MORC1: variants seen among roughly 807,000 people sequenced by gnomAD.
The protein encoded by MORC1 is MORC family CW-type zinc finger 1.
Under a neutral mutation model 134.9 loss-of-function variants are expected in MORC1, and 59 were observed. That is an observed-to-expected ratio of 0.44 (90% CI 0.35 to 0.54). The LOEUF (loss-of-function observed/expected upper bound fraction) is 0.54, where lower values mean the gene tolerates loss of function less well. Ranked by LOEUF, MORC1 falls within the 20% of genes least tolerant of loss-of-function variation. The pLI is 0.00. For missense variants in MORC1, 947 were observed against 1,134.5 expected (o/e 0.83, Z 2.37); for synonymous variants, 395 against 391.7 (o/e 1.01, Z -0.10).
At chr3:109,074,567 A>C (rs187991085) in intron 8 of MORC1, among the ~76,000 whole-genome samples, 2 of 152,294 alleles carry the variant, frequency 1.3e-5, no homozygotes, top group Admixed American at 6.5e-5. Flanking sequence ...TCCCTCTCTC[A>C]CCCTAATGAA....
intron 21 of MORC1, among the ~76,000 whole-genome samples, chr3:108,996,476 A>G (rs1948231839): frequency 6.6e-6 from 1 of 152,168 alleles, no homozygotes; most frequent in Non-Finnish European, 1.5e-5. Context: ...CGAAGGTCCA[A>G]CTGAGAGGCT....
intron 17 of MORC1, 27 bp downstream of exon 17, chr3:109,027,724 A>G (rs780363608): frequency 1.9e-5 from 30 of 1,613,526 alleles, no homozygotes; most frequent in Non-Finnish European, 2.4e-5. Flanking sequence ...TCACAGTAGA[A>G]TTAGGGAGGA....
chr3:108,987,301 T>C (rs889489973), intron 21 of MORC1, among the ~76,000 whole-genome samples: 1 of 152,222 alleles, frequency 6.6e-6, no homozygotes, highest in African/African-American at 2.4e-5. Context: ...GCAACAACCA[T>C]TGAGCCTCTA....
At chr3:109,002,388 C>T (rs2107525738) in intron 20 of MORC1, among the ~76,000 whole-genome samples, 1 of 152,312 alleles carries the variant, frequency 6.6e-6, no homozygotes, top group East Asian at 1.9e-4. Context: ...CAATGTTGGG[C>T]AATTGGCTAC....
At chr3:109,091,937 G>A (rs1950737716) in intron 8 of MORC1, among the ~76,000 whole-genome samples, 1 of 152,200 alleles carries the variant, frequency 6.6e-6, no homozygotes, top group Admixed American at 6.5e-5. Flanking sequence ...GAAACAGCAA[G>A]AACATCTTTC....
intron 11 of MORC1, 99 bp from the exon 12 acceptor site, chr3:109,059,969 T>C: frequency 4.6e-6 from 4 of 879,064 alleles, no homozygotes; most frequent in Non-Finnish European, 7.1e-6. Context: ...AGGGTAACAA[T>C]AGCTCACATT....
chr3:109,113,366 C>T (rs139085577), intron 2 of MORC1, among the ~76,000 whole-genome samples: 7 of 152,236 alleles, frequency 4.6e-5, no homozygotes, highest in South Asian at 2.1e-4. Context: ...GAGGAGATAA[C>T]GACTTTCTAC....
chr3:109,074,675 T>C (rs949958162), intron 8 of MORC1, among the ~76,000 whole-genome samples: 1 of 152,228 alleles, frequency 6.6e-6, no homozygotes, highest in Admixed American at 6.5e-5. Context: ...TAGAAAATTA[T>C]CTAGACATTG....
At chr3:108,966,140 G>A (rs1044094390) in intron 26 of MORC1, among the ~76,000 whole-genome samples, 1 of 152,188 alleles carries the variant, frequency 6.6e-6, no homozygotes, top group Non-Finnish European at 1.5e-5. Context: ...ATTGTAACAA[G>A]ATGAGAGGCT....
At chr3:109,033,318 AAGGAAGGAAGGAAGGAAG>A (rs1576656243) in intron 15 of MORC1, among the ~76,000 whole-genome samples, 2 of 151,520 alleles carry the variant, frequency 1.3e-5, no homozygotes, top group East Asian at 3.9e-4. Context: ...GGAAGGAAGG[AAGGAAGGAAGGAAGGAAG>A]GAAGGAAGGG....
chr3:108,987,983 A>G (rs1426111440), intron 21 of MORC1, among the ~76,000 whole-genome samples: 1 of 152,100 alleles, frequency 6.6e-6, no homozygotes, highest in Non-Finnish European at 1.5e-5. Flanking sequence ...CCATGTCCCC[A>G]TCTGTTACTT....
chr3:108,964,896 C>T (rs6803260), intron 26 of MORC1, among the ~76,000 whole-genome samples: 5,266 of 152,214 alleles, frequency 0.035, 288 homozygotes, highest in African/African-American at 0.12. Flanking sequence ...GAAATCCACG[C>T]CACATTTCAA....
intron 15 of MORC1, 32 bp from the exon 16 acceptor site, chr3:109,032,857 A>T: frequency 7.4e-7 from 1 of 1,351,334 alleles, no homozygotes; most frequent in Non-Finnish European, 1.1e-6. Context: ...CACAGAAAAG[A>T]GATCAGAAAT....
rs983436206 is a variant in MORC1, at chr3:109,094,859, C to T, written c.583+50G>A. The T allele has an allele frequency of 8.1e-6, 12 of 1,487,578 alleles. No individual in the cohort carries two copies. The African/African-American group carries it at 1.6e-4, about 20-fold the overall frequency. 92.1% of individuals were successfully genotyped at this position (1,487,578 alleles called of 1,614,324 possible). A position where few individuals can be genotyped will look rare whatever the true frequency, so the allele number is the denominator to read the frequency against. On this transcript the variant is annotated intron_variant, in intron 7 of 27. Transcript: ENST00000232603. ...CATATGTACAGTGTCTTTGATAAGA[C>T]ACTGAAAACAAATACTTCCATCAAA...
intron 21 of MORC1, among the ~76,000 whole-genome samples, chr3:108,989,840 A>AC (rs1285159578): frequency 6.6e-6 from 1 of 152,128 alleles, no homozygotes; most frequent in Admixed American, 6.6e-5. Context: ...GCCAGATACT[A>AC]CCACGGCGAA....
chr3:109,091,431 G>A (rs887644471), intron 8 of MORC1, among the ~76,000 whole-genome samples: 2 of 131,122 alleles, frequency 1.5e-5, no homozygotes, highest in African/African-American at 5.8e-5. Context: ...GCAACAGGGT[G>A]AGACTCCATC....
chr3:108,959,321 A>AT (rs1323456671), intron 27 of MORC1, among the ~76,000 whole-genome samples: 2 of 151,974 alleles, frequency 1.3e-5, no homozygotes, highest in African/African-American at 4.8e-5. Flanking sequence ...AACTTGGTTC[A>AT]TTTTTTTTAT....
At chr3:109,001,555 G>A (rs999395991) in intron 20 of MORC1, among the ~76,000 whole-genome samples, 4 of 152,212 alleles carry the variant, frequency 2.6e-5, no homozygotes, top group East Asian at 1.9e-4. Context: ...TTTAGCCTTC[G>A]TGACAGTCTC....
intron 26 of MORC1, among the ~76,000 whole-genome samples, chr3:108,964,326 T>A (rs1947159648): frequency 6.6e-6 from 1 of 152,204 alleles, no homozygotes; most frequent in African/African-American, 2.4e-5. Flanking sequence ...GGCCAAGAGA[T>A]ATTCTGAGAA....
Sources: allele counts gnomAD v4.1 joint callset (sites outside exome capture counted in the v4.1 genomes callset), GRCh38; gene constraint gnomAD v4.1.1; transcripts MANE v1.5; gene names NCBI Gene and HGNC (gene_info 2026-07-23, HGNC 2026-07-21).